SEMA3D: variants seen among roughly 807,000 people sequenced by gnomAD.
The protein encoded by SEMA3D is semaphorin-3D.
Under a neutral mutation model 100.1 loss-of-function variants are expected in SEMA3D, and 84 were observed. That is an observed-to-expected ratio of 0.84 (90% CI 0.70 to 1.01). The LOEUF is 1.01. Ranked by LOEUF, SEMA3D falls within the 50% of genes least tolerant of loss-of-function variation. SEMA3D has a pLI of 0.00. For missense variants in SEMA3D, 875 were observed against 934.1 expected, an observed-to-expected ratio of 0.94 and a Z score of 0.82; for synonymous variants, 312 against 320.7, an observed-to-expected ratio of 0.97 and a Z score of 0.29.
chr7:85,067,594 GC>G (rs1290922619), intron 7 of SEMA3D, among the ~76,000 whole-genome samples: 1 of 152,116 alleles, frequency 6.6e-6, no homozygotes, highest in Non-Finnish European at 1.5e-5. Flanking sequence ...CAGAAGTCTT[GC>G]TGACATTCCT....
At chr7:85,122,775 T>G (rs930870673) in intron 2 of SEMA3D, among the ~76,000 whole-genome samples, 1 of 152,190 alleles carries the variant, frequency 6.6e-6, no homozygotes, top group Admixed American at 6.6e-5. Flanking sequence ...ACCTGTATTA[T>G]TCCACACAGG....
chr7:85,160,772 A>C (rs1790725006), intron 1 of SEMA3D, among the ~76,000 whole-genome samples: 2 of 152,170 alleles, frequency 1.3e-5, no homozygotes, highest in South Asian at 4.2e-4. Context: ...TGGAAGATTA[A>C]AGCACTAAAG....
the SEMA3D span, among the ~76,000 whole-genome samples, chr7:85,219,299 C>T: frequency 2.0e-5 from 3 of 152,008 alleles, no homozygotes; most frequent in African/African-American, 7.2e-5. Context: ...GTACCTATGA[C>T]TAAAATATCA....
At position 85,015,046 on chromosome 7, in the gene SEMA3D, A is replaced by G; in HGVS notation, c.1703+13T>C. 1 of 1,605,458 alleles carries G rather than the reference A, an allele frequency of 6.2e-7. No individual in the cohort carries two copies. Among genetic ancestry groups the G allele is most frequent in the Non-Finnish European group, 8.5e-7 (1 of 1,173,384 alleles). ...GAAAGGAAGCCTTTATATTAACTCC[A>G]TGTGCCTCTTACCTTTTAGAAGTAG... On this transcript the variant is annotated intron_variant, in intron 16 of 18. Coordinates refer to ENST00000284136, the MANE Select transcript of SEMA3D (RefSeq NM_001384900.1).
chr7:85,208,535 G>A, the SEMA3D span, among the ~76,000 whole-genome samples: 6 of 151,834 alleles, frequency 4.0e-5, no homozygotes, highest in Non-Finnish European at 7.4e-5. Flanking sequence ...TTGGTTTCAC[G>A]TTTGGTCAAA....
At chr7:85,067,943 G>A (rs1791671812) in intron 7 of SEMA3D, among the ~76,000 whole-genome samples, 1 of 152,084 alleles carries the variant, frequency 6.6e-6, no homozygotes, top group South Asian at 2.1e-4. Flanking sequence ...TCTGTTCTTT[G>A]ACATTATAAA....
At chr7:85,032,809 A>G (rs2115925203) in intron 12 of SEMA3D, among the ~76,000 whole-genome samples, 1 of 152,174 alleles carries the variant, frequency 6.6e-6, no homozygotes, top group South Asian at 2.1e-4. Context: ...GCATGTTTAA[A>G]ATCTCTTTAA....
intron 2 of SEMA3D, among the ~76,000 whole-genome samples, chr7:85,145,850 A>T (rs1790190364): frequency 6.6e-6 from 1 of 152,114 alleles, no homozygotes; most frequent in Admixed American, 6.6e-5. Flanking sequence ...TTTGCATATA[A>T]CCTACTCACC....
chr7:85,040,581 T>A, intron 11 of SEMA3D, 92 bp downstream of exon 11: 1 of 707,642 alleles, frequency 1.4e-6, no homozygotes, highest in Non-Finnish European at 2.5e-6. Context: ...GATATGCTAC[T>A]ACAAACGCAG....
At chr7:85,142,674 ATTTTTTT>A (rs58949011) in intron 2 of SEMA3D, 2 of 909,144 alleles carry the variant, frequency 2.2e-6, no homozygotes, top group Admixed American at 7.0e-5. Flanking sequence ...GAAGGATGGC[ATTTTTTT>A]TTTTTTTTTT....
At chr7:85,159,884 G>A (rs1053284728) in intron 1 of SEMA3D, 27 of 984,694 alleles carry the variant, frequency 2.7e-5, no homozygotes, top group Non-Finnish European at 3.3e-5. Context: ...GAGGAAGGAA[G>A]CAAGAAAGAT....
intron 1 of SEMA3D, among the ~76,000 whole-genome samples, chr7:85,185,276 C>T (rs1405166572): frequency 1.3e-5 from 2 of 151,988 alleles, no homozygotes; most frequent in East Asian, 3.9e-4. Context: ...TGTCTCAGAC[C>T]TCTCCTCTAC....
the SEMA3D span, among the ~76,000 whole-genome samples, chr7:85,239,743 C>A: frequency 1.3e-5 from 2 of 152,292 alleles, no homozygotes. Flanking sequence ...TAGTCGATAG[C>A]TACTACCTGT....
At chr7:85,199,364 T>C in the SEMA3D span, among the ~76,000 whole-genome samples, 1 of 152,156 alleles carries the variant, frequency 6.6e-6, no homozygotes, top group Non-Finnish European at 1.5e-5. Flanking sequence ...GAATGGTGTG[T>C]TCAAGTATTC....
At chr7:85,236,458 C>A in the SEMA3D span, among the ~76,000 whole-genome samples, 1 of 151,744 alleles carries the variant, frequency 6.6e-6, no homozygotes, top group Non-Finnish European at 1.5e-5. Context: ...CAGGCACGAG[C>A]CACCATGCCC....
the SEMA3D span, among the ~76,000 whole-genome samples, chr7:85,227,131 G>T: frequency 6.6e-6 from 1 of 152,102 alleles, no homozygotes; most frequent in Non-Finnish European, 1.5e-5. Context: ...TATTTATTCT[G>T]CTGGAAAGTA....
the SEMA3D span, among the ~76,000 whole-genome samples, chr7:85,207,320 G>T: frequency 9.9e-4 from 150 of 152,118 alleles, no homozygotes; most frequent in Middle Eastern, 3.4e-3. Flanking sequence ...TTTCAATGGG[G>T]TAGAATACCA....
intron 3 of SEMA3D, among the ~76,000 whole-genome samples, chr7:85,105,586 C>G (rs1788893305): frequency 6.6e-6 from 1 of 152,056 alleles, no homozygotes; most frequent in South Asian, 2.1e-4. Flanking sequence ...CAAAAGACTG[C>G]TTCAAAATTG....
rs185860869 is a variant in SEMA3D at position 85,006,003 on chromosome 7, A to G, written c.1908+799T>C. Among the ~76,000 whole-genome samples, 3 of 152,144 alleles carry G rather than the reference A, an allele frequency of 2.0e-5. No individual in the cohort carries two copies. In the East Asian group the frequency reaches 5.8e-4, roughly 30 times the overall value. ...GTTCTAGAGAAGTTATGATCTGCTC[A>G]TGAATTCTCAGGAGTCAAGCCAAAG... is the stretch of plus-strand genomic sequence containing the variant. On this transcript the variant is annotated intron_variant, in intron 18 of 18. Coordinates refer to ENST00000284136, the MANE Select transcript of SEMA3D (RefSeq NM_001384900.1).
Sources: gnomAD v4.1 joint callset for allele counts (sites outside exome capture counted in the v4.1 genomes callset) on GRCh38, gnomAD v4.1.1 for gene constraint, MANE v1.5 for transcripts, NCBI Gene and HGNC (gene_info 2026-07-23, HGNC 2026-07-21) for gene names.